The following VPS41 variants were observed in gnomAD, a reference collection of about 807,000 sequenced individuals.
VPS41 encodes the protein VPS41 subunit of HOPS complex.
In VPS41, 85 loss-of-function variants were observed where a neutral mutation model predicts 130.9. The observed-to-expected ratio is 0.65, with a 90% confidence interval of 0.55 to 0.78. The LOEUF (loss-of-function observed/expected upper bound fraction) is 0.78. Ranked by LOEUF, VPS41 falls within the 30% of genes least tolerant of loss-of-function variation. VPS41 has a pLI of 0.00. For synonymous variants in VPS41, 335 were observed against 332.9 expected (o/e 1.01, Z -0.07); for missense variants, 874 against 1,018.7 (o/e 0.86, Z 1.93).
chr7:38,771,601 CA>C (rs531940375), intron 13 of VPS41, among the ~76,000 whole-genome samples: 30 of 152,052 alleles, frequency 2.0e-4, no homozygotes, highest in Admixed American at 5.9e-4. Context: ...AGTCTCCATA[CA>C]AAAAAAGGCA....
At chr7:38,753,972 T>C (rs183427284) in intron 21 of VPS41, among the ~76,000 whole-genome samples, 191 of 152,352 alleles carry the variant, frequency 1.3e-3, no homozygotes, top group Non-Finnish European at 2.2e-3. Context: ...CTGATACCCA[T>C]AGTCCTACTG....
chr7:38,780,550 G>T (rs1784337877), intron 10 of VPS41, among the ~76,000 whole-genome samples: 1 of 152,118 alleles, frequency 6.6e-6, no homozygotes, highest in South Asian at 2.1e-4. Context: ...ATTCAGCAAG[G>T]TCTTCTAGAT....
intron 1 of VPS41, among the ~76,000 whole-genome samples, chr7:38,900,238 C>A (rs1787112185): frequency 6.6e-6 from 1 of 152,112 alleles, no homozygotes; most frequent in Non-Finnish European, 1.5e-5. Context: ...GCCTGAGGAA[C>A]AGAGTAAGAC....
intron 25 of VPS41, among the ~76,000 whole-genome samples, chr7:38,734,647 T>A (rs1397635903): frequency 6.6e-6 from 1 of 152,218 alleles, no homozygotes. Flanking sequence ...AAAAGAACTG[T>A]ATATCAGCAA....
At chr7:38,830,191 G>T in intron 5 of VPS41, 63 bp downstream of exon 5, 1 of 986,396 alleles carries the variant, frequency 1.0e-6, no homozygotes, top group Non-Finnish European at 1.6e-6. Context: ...TAAGCAAGGT[G>T]CTGTTCCGAT....
chr7:38,784,409 G>A (rs1202601811), intron 10 of VPS41, among the ~76,000 whole-genome samples: 1 of 152,134 alleles, frequency 6.6e-6, no homozygotes, highest in Non-Finnish European at 1.5e-5. Flanking sequence ...AGGCCAAGGT[G>A]GGAGGATTTC....
rs184916015 is a variant in VPS41, at chr7:38,754,084, T to C, written c.1788+618A>G. Among the ~76,000 whole-genome samples, 29 of 151,550 alleles carry C rather than the reference T, an allele frequency of 1.9e-4. No individual in the cohort carries two copies. The East Asian group carries it at 4.2e-3, about 22-fold the overall frequency. ...TCTCATGATGATGCAATGCAGAGAA[T>C]TGAAGTAGCCCCCCAAAGAAATCTA... On this transcript the variant is annotated intron_variant, in intron 21 of 28. Transcript: ENST00000310301.
chr7:38,730,797 A>T (rs1304983935), intron 25 of VPS41, among the ~76,000 whole-genome samples: 2 of 152,206 alleles, frequency 1.3e-5, no homozygotes, highest in African/African-American at 4.8e-5. Flanking sequence ...AAACAATTTT[A>T]AAAAATGGCT....
At chr7:38,857,779 G>A (rs1786018244) in intron 4 of VPS41, among the ~76,000 whole-genome samples, 1 of 152,150 alleles carries the variant, frequency 6.6e-6, no homozygotes, top group Admixed American at 6.5e-5. Context: ...CAGAACATGT[G>A]CCCAAGGTGG....
In VPS41 at chr7:38,756,845, T is replaced by C. The variant is rs1232461376; in HGVS notation, c.1688A>G (p.Asp563Gly). 3 of 1,564,892 alleles carry C rather than the reference T, an allele frequency of 1.9e-6. No homozygotes were observed. The highest frequency in any genetic ancestry group is 3.6e-5 in the Admixed American group (2 of 55,290). ...KDKIVLLMDF[D>G]SEKAVDMLLD... ...AAATAAAAAGCACATTACCTCTGAA[T>C]CAAAATCCATTAATAAAACAATTTT... The change falls in exon 19 of 29, where the codon GAT (aspartate) becomes GGT (glycine). Residue 563 changes from aspartate (D) to glycine (G), a missense_variant. By Grantham distance (94) the Asp-to-Gly change is moderately conservative. Coordinates refer to ENST00000310301, the MANE Select transcript of VPS41 (RefSeq NM_014396.4).
intron 10 of VPS41, among the ~76,000 whole-genome samples, chr7:38,785,961 T>TA (rs567856585): frequency 1.6e-4 from 24 of 152,182 alleles, no homozygotes; most frequent in South Asian, 6.2e-4. Context: ...TGAACCAAAA[T>TA]AAAAAAACAA....
chr7:38,756,770 G>A lies in VPS41; in HGVS notation c.1695+68C>T, dbSNP rs1783802524. On this transcript the variant is annotated intron_variant, in intron 19 of 28. Transcript: ENST00000310301. The stretch of plus-strand genomic sequence containing the variant: ...CATTCACCAATCCAGCATTTGGATA[G>A]ATATCTAAGTATTAAATATTTGGAA... 2.6e-6 allele frequency: 3 copies of A among 1,166,028 alleles called. No individual in the cohort carries two copies. In the South Asian group the frequency reaches 4.8e-5, roughly 19 times the overall value. 72.2% of individuals were successfully genotyped at this position (1,166,028 alleles called of 1,614,324 possible).
At chr7:38,786,283 G>C (rs1444902510) in intron 10 of VPS41, among the ~76,000 whole-genome samples, 1 of 152,170 alleles carries the variant, frequency 6.6e-6, no homozygotes, top group African/African-American at 2.4e-5. Flanking sequence ...TTACACCATG[G>C]GGATAGTAGC....
intron 4 of VPS41, among the ~76,000 whole-genome samples, chr7:38,847,758 A>C (rs1408298237): frequency 6.6e-6 from 1 of 152,232 alleles, no homozygotes; most frequent in East Asian, 1.9e-4. Context: ...GATAAAGGAA[A>C]AATCTGTTAG....
intron 1 of VPS41, 126 bp downstream of exon 1, chr7:38,909,028 T>G: frequency 2.6e-5 from 18 of 691,514 alleles, no homozygotes; most frequent in East Asian, 4.0e-5. Context: ...CACCCCGCCC[T>G]GCCGCGGACC....
At chr7:38,792,738 C>T (rs1784556968) in intron 9 of VPS41, among the ~76,000 whole-genome samples, 2 of 152,068 alleles carry the variant, frequency 1.3e-5, no homozygotes, top group Non-Finnish European at 1.5e-5. Flanking sequence ...CCTGTGCTGG[C>T]TTCCTACCTC....
At chr7:38,871,083 A>G (rs10250120) in intron 2 of VPS41, among the ~76,000 whole-genome samples, 39,139 of 152,110 alleles carry the variant, frequency 0.26, 6,436 homozygotes, top group Non-Finnish European at 0.38. Context: ...GGAAAAATGG[A>G]AAGGAACAAG....
intron 4 of VPS41, among the ~76,000 whole-genome samples, chr7:38,860,481 T>G (rs1786082100): frequency 6.6e-6 from 1 of 152,068 alleles, no homozygotes; most frequent in Non-Finnish European, 1.5e-5. Context: ...TGCTATAGTT[T>G]AGTTTTGCTT....
At chr7:38,822,673 T>G (rs1410017164) in intron 5 of VPS41, among the ~76,000 whole-genome samples, 6 of 152,234 alleles carry the variant, frequency 3.9e-5, no homozygotes, top group Non-Finnish European at 7.3e-5. Context: ...ATATACATAT[T>G]CATGAAGGGT....
Sources: allele counts gnomAD v4.1 joint callset (sites outside exome capture counted in the v4.1 genomes callset), GRCh38; gene constraint gnomAD v4.1.1; transcripts MANE v1.5; gene names NCBI Gene and HGNC (gene_info 2026-07-23, HGNC 2026-07-21).